The following NR3C2 variants were observed in gnomAD, a reference collection of about 807,000 sequenced individuals.
NR3C2 encodes the protein mineralocorticoid receptor.
A neutral mutation model predicts 86.4 loss-of-function variants in NR3C2; 15 were observed. That is an observed-to-expected ratio of 0.17 (90% CI 0.12 to 0.27). NR3C2 has a LOEUF of 0.27. NR3C2 is among the 10% of genes least tolerant of loss of function. The pLI, the probability that NR3C2 is intolerant of heterozygous loss-of-function variation, is 1.00. For missense variants in NR3C2, 960 were observed against 1,195.6 expected, an observed-to-expected ratio of 0.80 and a Z score of 2.91; for synonymous variants, 458 against 450.5, an observed-to-expected ratio of 1.02 and a Z score of -0.21.
intron 8 of NR3C2, among the ~76,000 whole-genome samples, chr4:148,110,531 T>C (rs1732003672): frequency 6.6e-6 from 1 of 152,216 alleles, no homozygotes; most frequent in South Asian, 2.1e-4. Context: ...TTCACTAATT[T>C]ACTCTAATGA....
At chr4:148,136,135 GTC>G (rs1371442149) in intron 6 of NR3C2, among the ~76,000 whole-genome samples, 1 of 150,374 alleles carries the variant, frequency 6.7e-6, no homozygotes, top group Non-Finnish European at 1.5e-5. Flanking sequence ...ACTTTGTCCA[GTC>G]TGTGTTCTCT....
At chr4:148,409,648 T>C (rs184379107) in intron 2 of NR3C2, among the ~76,000 whole-genome samples, 12 of 152,236 alleles carry the variant, frequency 7.9e-5, no homozygotes, top group African/African-American at 1.4e-4. Flanking sequence ...AGTTAGTTGT[T>C]TGAAAATTGA....
intron 4 of NR3C2, among the ~76,000 whole-genome samples, chr4:148,174,198 T>G (rs1209282573): frequency 6.6e-6 from 1 of 152,108 alleles, no homozygotes; most frequent in African/African-American, 2.4e-5. Context: ...TCAGAGTAAA[T>G]AAAGCAAATA....
chr4:148,260,938 A>G (rs1740066660), intron 2 of NR3C2, among the ~76,000 whole-genome samples: 1 of 152,240 alleles, frequency 6.6e-6, no homozygotes, highest in Admixed American at 6.5e-5. Context: ...ACTTCTGATA[A>G]GGAATCATAG....
intron 8 of NR3C2, among the ~76,000 whole-genome samples, chr4:148,093,000 T>C (rs570913800): frequency 1.3e-5 from 2 of 152,224 alleles, no homozygotes; most frequent in Non-Finnish European, 2.9e-5. Context: ...GCAAGAACCC[T>C]AATTACAATC....
At chr4:148,264,248 T>C (rs1740265471) in intron 2 of NR3C2, among the ~76,000 whole-genome samples, 1 of 152,196 alleles carries the variant, frequency 6.6e-6, no homozygotes, top group Non-Finnish European at 1.5e-5. Flanking sequence ...TTTGGAAAAC[T>C]CTAGTCTCTA....
chr4:148,303,173 A>C (rs1337367487), intron 2 of NR3C2, among the ~76,000 whole-genome samples: 1 of 152,236 alleles, frequency 6.6e-6, no homozygotes, highest in Non-Finnish European at 1.5e-5. Flanking sequence ...GAGAGAAATT[A>C]CATTTCAAAA....
At chr4:148,101,642 A>C (rs1731540693) in intron 8 of NR3C2, among the ~76,000 whole-genome samples, 1 of 152,200 alleles carries the variant, frequency 6.6e-6, no homozygotes, top group African/African-American at 2.4e-5. Flanking sequence ...TACAGTACAT[A>C]ATAAAGCCAG....
At chr4:148,226,757 T>A (rs1738189257) in intron 3 of NR3C2, among the ~76,000 whole-genome samples, 1 of 152,206 alleles carries the variant, frequency 6.6e-6, no homozygotes, top group Non-Finnish European at 1.5e-5. Flanking sequence ...GTGTTTTCTA[T>A]CTTTATCATT....
chr4:148,381,211 G>A (rs1579230235), intron 2 of NR3C2, among the ~76,000 whole-genome samples: 1 of 149,036 alleles, frequency 6.7e-6, no homozygotes, highest in East Asian at 2.0e-4. Flanking sequence ...CTGGGCACTA[G>A]AGCGAGACCC....
intron 2 of NR3C2, among the ~76,000 whole-genome samples, chr4:148,303,029 G>A (rs898035869): frequency 3.9e-5 from 6 of 152,012 alleles, no homozygotes; most frequent in Admixed American, 6.5e-5. Flanking sequence ...ATCAAAGCCA[G>A]TCTAAAAGGC....
chr4:148,412,409 T>G (rs1748751397), intron 2 of NR3C2, among the ~76,000 whole-genome samples: 1 of 152,106 alleles, frequency 6.6e-6, no homozygotes, highest in African/African-American at 2.4e-5. Context: ...AATACATAAG[T>G]GAAGTAAAAA....
chr4:148,337,127 A>G (rs1744532898), intron 2 of NR3C2, among the ~76,000 whole-genome samples: 1 of 152,224 alleles, frequency 6.6e-6, no homozygotes, highest in South Asian at 2.1e-4. Context: ...TTATGGAGAA[A>G]AAAGGCAGAA....
At chr4:148,304,015 T>C (rs1742475862) in intron 2 of NR3C2, among the ~76,000 whole-genome samples, 2 of 152,200 alleles carry the variant, frequency 1.3e-5, no homozygotes, top group African/African-American at 4.8e-5. Flanking sequence ...CTCTCTCTCA[T>C]GTAGCCCGGG....
intron 2 of NR3C2, among the ~76,000 whole-genome samples, chr4:148,304,495 C>T (rs1289085051): frequency 2.0e-5 from 3 of 151,980 alleles, no homozygotes; most frequent in East Asian, 1.9e-4. Flanking sequence ...AACTCCAAAG[C>T]GTCATGGAAT....
chr4:148,225,982 T>C (rs1220130227), intron 3 of NR3C2, among the ~76,000 whole-genome samples: 1 of 152,160 alleles, frequency 6.6e-6, no homozygotes, highest in Non-Finnish European at 1.5e-5. Context: ...ATGCATAATA[T>C]ATTAATAACA....
intron 1 of NR3C2, among the ~76,000 whole-genome samples, 195 bp downstream of exon 1, chr4:148,441,963 CAA>C (rs915671915): frequency 6.6e-6 from 1 of 152,232 alleles, no homozygotes; most frequent in Non-Finnish European, 1.5e-5. Flanking sequence ...CCAAAGTGGC[CAA>C]ACTTTCCCAA....
At chr4:148,309,224 T>G (rs1429209413) in intron 2 of NR3C2, among the ~76,000 whole-genome samples, 1 of 152,158 alleles carries the variant, frequency 6.6e-6, no homozygotes. Context: ...TTAGAACTAC[T>G]GTGTGCTGGA....
intron 2 of NR3C2, among the ~76,000 whole-genome samples, chr4:148,286,011 G>A (rs1026692855): frequency 7.2e-5 from 11 of 152,262 alleles, no homozygotes; most frequent in African/African-American, 2.6e-4. Flanking sequence ...AAAAACAAAT[G>A]AAATTTTATA....
Sources: gnomAD v4.1 joint callset for allele counts (sites outside exome capture counted in the v4.1 genomes callset) on GRCh38, gnomAD v4.1.1 for gene constraint, MANE v1.5 for transcripts, NCBI Gene and HGNC (gene_info 2026-07-23, HGNC 2026-07-21) for gene names.